Variants in ANK2 observed in about 807,000 individuals in gnomAD.
ANK2 encodes the protein ankyrin-2.
Under a neutral mutation model 360.5 loss-of-function variants are expected in ANK2, and 83 were observed. The observed-to-expected ratio is 0.23, with a 90% CI of 0.19 to 0.28. The LOEUF (loss-of-function observed/expected upper bound fraction) is 0.28, where lower values mean the gene tolerates loss of function less well. Among genes scored for constraint, ANK2 ranks in the 10% least tolerant of loss-of-function variants. The probability of loss-of-function intolerance (pLI) is 1.00; values close to 1 mark genes in which losing one functional copy is unlikely to be tolerated. For missense variants in ANK2, 4,201 were observed against 4,795.7 expected (o/e 0.88, Z 3.66); for synonymous variants, 1,740 against 1,759.5 (o/e 0.99, Z 0.28).
the ANK2 span, among the ~76,000 whole-genome samples, chr4:112,776,426 C>A: frequency 3.3e-5 from 5 of 152,108 alleles, no homozygotes; most frequent in East Asian, 9.6e-4. Flanking sequence ...GAAGAGTGAG[C>A]TTGACAAGGT....
chr4:113,236,339 A>G (rs1341491387), intron 5 of ANK2, among the ~76,000 whole-genome samples: 1 of 152,194 alleles, frequency 6.6e-6, no homozygotes, highest in African/African-American at 2.4e-5. Context: ...TAGAATTGAA[A>G]AACAGGTTTT....
intron 22 of ANK2, among the ~76,000 whole-genome samples, chr4:113,295,694 A>T (rs922840189): frequency 1.3e-5 from 2 of 152,208 alleles, no homozygotes; most frequent in African/African-American, 4.8e-5. Context: ...AATAGAAAAC[A>T]TAACAGCATT....
intron 2 of ANK2, among the ~76,000 whole-genome samples, chr4:113,028,834 G>A (rs2059804252): frequency 6.6e-6 from 1 of 152,080 alleles, no homozygotes; most frequent in Non-Finnish European, 1.5e-5. Context: ...TAACTCCCGG[G>A]TTGCAGGAAA....
At chr4:113,161,277 T>C (rs547211584) in intron 1 of ANK2, among the ~76,000 whole-genome samples, 1 of 152,208 alleles carries the variant, frequency 6.6e-6, no homozygotes, top group Non-Finnish European at 1.5e-5. Context: ...ACTACGTGGA[T>C]TTTTGTTGAC....
At chr4:112,859,422 C>T (rs1018838498) in intron 1 of ANK2, among the ~76,000 whole-genome samples, 2 of 152,150 alleles carry the variant, frequency 1.3e-5, no homozygotes, top group African/African-American at 4.8e-5. Context: ...TCCAAAACCT[C>T]CTTCTGGATT....
At position 113,280,417 on chromosome 4, in the gene ANK2, G is replaced by T. The variant is rs1035521988; in HGVS notation, c.1881+1859G>T. ...GCATTTGTCTACTCCAGAGTCCACAGTAGGATGGGTATTCTGGGAATGCCT... is the reference window on the plus strand; with the variant it reads ...GCATTTGTCTACTCCAGAGTCCACATTAGGATGGGTATTCTGGGAATGCCT... On this transcript the variant is annotated intron_variant, in intron 17 of 45. Transcript: ENST00000357077. Among the ~76,000 whole-genome samples, 7 of 152,154 alleles carry T rather than the reference G, an allele frequency of 4.6e-5. No homozygotes were observed. The South Asian group carries it at 1.2e-3, about 27-fold the overall frequency.
At chr4:113,328,755 C>T (rs967570346) in intron 26 of ANK2, among the ~76,000 whole-genome samples, 3 of 152,206 alleles carry the variant, frequency 2.0e-5, no homozygotes, top group African/African-American at 7.2e-5. Flanking sequence ...TTCAGACAGG[C>T]ACTCTGGGCT....
chr4:112,758,892 C>A, the ANK2 span, among the ~76,000 whole-genome samples: 10 of 152,066 alleles, frequency 6.6e-5, no homozygotes, highest in African/African-American at 2.4e-4. Flanking sequence ...GGATGAGGAA[C>A]CTTGTGCCCA....
At chr4:113,183,782 A>G (rs1186338181) in intron 2 of ANK2, among the ~76,000 whole-genome samples, 3 of 152,054 alleles carry the variant, frequency 2.0e-5, no homozygotes, top group Non-Finnish European at 4.4e-5. Flanking sequence ...GGAATCATTG[A>G]GGAATTCAAG....
intron 1 of ANK2, among the ~76,000 whole-genome samples, chr4:112,897,461 C>T (rs1342456308): frequency 2.0e-5 from 3 of 152,172 alleles, no homozygotes; most frequent in African/African-American, 7.2e-5. Flanking sequence ...TTTAACCTCT[C>T]AGGATCAGCC....
chr4:113,147,813 C>G (rs190867545), intron 1 of ANK2, among the ~76,000 whole-genome samples: 11 of 152,318 alleles, frequency 7.2e-5, no homozygotes, highest in Admixed American at 2.0e-4. Flanking sequence ...CTGCTCTTAT[C>G]ACAATTGGCT....
intron 2 of ANK2, among the ~76,000 whole-genome samples, chr4:112,917,241 T>C (rs1313597662): frequency 2.0e-5 from 3 of 152,268 alleles, no homozygotes; most frequent in Non-Finnish European, 4.4e-5. Context: ...ACAGACTCTT[T>C]ATTGATAACT....
intron 1 of ANK2, among the ~76,000 whole-genome samples, chr4:113,137,422 G>A (rs1395458627): frequency 3.3e-5 from 5 of 152,210 alleles, no homozygotes; most frequent in Non-Finnish European, 5.9e-5. Flanking sequence ...GTATAGGGCT[G>A]CTGGTCACTG....
intron 1 of ANK2, chr4:113,150,997 T>A (rs2097055275): frequency 2.7e-6 from 3 of 1,093,332 alleles, no homozygotes; most frequent in South Asian, 1.4e-5. Context: ...ACTTAGTAAA[T>A]ATTTGTGAAA....
intron 1 of ANK2, among the ~76,000 whole-genome samples, chr4:113,098,468 C>T (rs1375986654): frequency 6.6e-6 from 1 of 151,956 alleles, no homozygotes; most frequent in African/African-American, 2.4e-5. Context: ...TTGAAAAGTA[C>T]AATCTACCAA....
the ANK2 span, among the ~76,000 whole-genome samples, chr4:112,745,933 C>G: frequency 2.0e-5 from 3 of 152,162 alleles, no homozygotes; most frequent in African/African-American, 7.2e-5. Flanking sequence ...TTCCTGGTCT[C>G]TGATAACCAT....
chr4:112,846,032 A>G (rs2063213254), intron 1 of ANK2, among the ~76,000 whole-genome samples: 1 of 152,184 alleles, frequency 6.6e-6, no homozygotes. Context: ...AAACCTGTAT[A>G]TGTTTTTCTC....
intron 2 of ANK2, among the ~76,000 whole-genome samples, chr4:112,963,243 C>T (rs1297526950): frequency 1.3e-5 from 2 of 151,940 alleles, no homozygotes; most frequent in African/African-American, 4.8e-5. Context: ...GTTGGTTTTT[C>T]TTGGTTGACT....
At position 113,026,575 on chromosome 4, in the gene ANK2, A is replaced by G. The variant is rs576397758; in HGVS notation, c.21+122061A>G. Among the ~76,000 whole-genome samples the G allele has an allele frequency of 3.9e-5, 6 of 152,190 alleles. 1 individual carries two copies. Among genetic ancestry groups the G allele is most frequent in the Admixed American group, 1.3e-4 (2 of 15,264 alleles). On this transcript the variant is annotated intron_variant, in intron 2 of 30. Coordinates refer to the ANK2 transcript ENST00000503271. ...GAATTTTTGTAGGAAATTTTGACCT[A>G]TAGAGGTATTTTCAGTGGACAGGGA...
Sources: allele counts gnomAD v4.1 joint callset (sites outside exome capture counted in the v4.1 genomes callset), GRCh38; gene constraint gnomAD v4.1.1; transcripts MANE v1.5; gene names NCBI Gene and HGNC (gene_info 2026-07-23, HGNC 2026-07-21).